Variants in NTRK2 observed in about 807,000 individuals in gnomAD.
The protein encoded by NTRK2 is BDNF/NT-3 growth factors receptor.
NTRK2 carries 13 observed loss-of-function variants against 94.5 expected under a neutral mutation model. The observed-to-expected ratio is 0.14, with a 90% CI of 0.09 to 0.22. NTRK2 has a LOEUF of 0.22. NTRK2 is among the 10% of genes least tolerant of loss of function. NTRK2 has a pLI of 1.00. For missense variants in NTRK2, 639 were observed against 1,071.2 expected (o/e 0.60, Z 5.63); for synonymous variants, 372 against 407.4 (o/e 0.91, Z 1.05).
intron 17 of NTRK2, among the ~76,000 whole-genome samples, chr9:85,009,194 C>T (rs10122870): frequency 1.3e-5 from 2 of 152,208 alleles, no homozygotes; most frequent in East Asian, 3.8e-4. Context: ...ACAAAATAAA[C>T]TTACTTTTCA....
At chr9:84,949,616 T>C (rs1164046248) in intron 16 of NTRK2, among the ~76,000 whole-genome samples, 2 of 152,154 alleles carry the variant, frequency 1.3e-5, no homozygotes, top group Admixed American at 1.3e-4. Context: ...AACAGGCATG[T>C]GCCACCATGT....
chr9:84,779,951 C>T (rs1259332264), intron 12 of NTRK2, among the ~76,000 whole-genome samples: 3 of 152,154 alleles, frequency 2.0e-5, no homozygotes, highest in Non-Finnish European at 1.5e-5. Context: ...ACACGTCCAG[C>T]ATTAACAACC....
At chr9:84,731,679 C>G (rs1011371754) in intron 9 of NTRK2, among the ~76,000 whole-genome samples, 4 of 152,060 alleles carry the variant, frequency 2.6e-5, no homozygotes, top group African/African-American at 9.7e-5. Context: ...GTGGCAGACA[C>G]TCTGTTCTCT....
At chr9:84,855,426 T>G (rs1403128537) in intron 12 of NTRK2, among the ~76,000 whole-genome samples, 1 of 152,184 alleles carries the variant, frequency 6.6e-6, no homozygotes, top group Non-Finnish European at 1.5e-5. Context: ...TGTATTGAAG[T>G]GGTTCTTAGC....
intron 2 of NTRK2, among the ~76,000 whole-genome samples, chr9:84,672,881 A>T (rs2058787168): frequency 6.6e-6 from 1 of 152,042 alleles, no homozygotes; most frequent in Non-Finnish European, 1.5e-5. Flanking sequence ...GCAGGTTCCT[A>T]TTTTCAGCTT....
chr9:84,882,754 A>G (rs2076299834), intron 14 of NTRK2, among the ~76,000 whole-genome samples: 1 of 150,970 alleles, frequency 6.6e-6, no homozygotes, highest in South Asian at 2.1e-4. Context: ...TATAATAACT[A>G]GAAATACTTT....
intron 12 of NTRK2, among the ~76,000 whole-genome samples, chr9:84,823,102 T>A (rs1300759684): frequency 2.6e-5 from 4 of 151,878 alleles, no homozygotes; most frequent in East Asian, 1.9e-4. Context: ...TTTTTTTTTT[T>A]AAAAGTACCC....
chr9:84,959,841 C>A (rs181485356), intron 17 of NTRK2, among the ~76,000 whole-genome samples: 25 of 152,324 alleles, frequency 1.6e-4, no homozygotes, highest in African/African-American at 4.6e-4. Context: ...TTGGTCATGC[C>A]TGTGCCGCAT....
chr9:84,699,799 A>G (rs1195360269), intron 2 of NTRK2, among the ~76,000 whole-genome samples: 1 of 150,730 alleles, frequency 6.6e-6, no homozygotes, highest in Non-Finnish European at 1.5e-5. Flanking sequence ...TGTGCAATCC[A>G]TTGACATCTC....
chr9:84,908,101 A>G (rs1403960597), intron 14 of NTRK2, among the ~76,000 whole-genome samples: 1 of 152,264 alleles, frequency 6.6e-6, no homozygotes, highest in Non-Finnish European at 1.5e-5. Context: ...ACAAACAAAC[A>G]AACAAACAAA....
intron 17 of NTRK2, among the ~76,000 whole-genome samples, chr9:85,010,851 C>G (rs968785137): frequency 3.3e-5 from 5 of 152,178 alleles, no homozygotes; most frequent in African/African-American, 1.2e-4. Flanking sequence ...ATAATCGCTT[C>G]TAAAACTAGG....
intron 17 of NTRK2, among the ~76,000 whole-genome samples, chr9:84,970,039 T>A (rs943613209): frequency 1.3e-5 from 2 of 152,226 alleles, no homozygotes; most frequent in East Asian, 1.9e-4. Context: ...CCTCTTACTA[T>A]TTTTGTGATC....
At chr9:84,977,674 A>T (rs1288882575) in intron 17 of NTRK2, among the ~76,000 whole-genome samples, 3 of 152,218 alleles carry the variant, frequency 2.0e-5, no homozygotes, top group Non-Finnish European at 2.9e-5. Context: ...ACACCCATGC[A>T]CACACACATT....
At chr9:84,670,999 C>G in intron 2 of NTRK2, 39 bp downstream of exon 2, 1 of 1,589,922 alleles carries the variant, frequency 6.3e-7, no homozygotes, top group Non-Finnish European at 8.5e-7. Context: ...TCTCCTTGCC[C>G]CTAGGGCCCG....
intron 12 of NTRK2, among the ~76,000 whole-genome samples, chr9:84,846,818 C>T (rs977628039): frequency 1.3e-5 from 2 of 152,208 alleles, no homozygotes; most frequent in Non-Finnish European, 2.9e-5. Flanking sequence ...GCCTGCAACT[C>T]TGAATCTCCA....
At chr9:84,847,247 T>C (rs1381935864) in intron 12 of NTRK2, among the ~76,000 whole-genome samples, 2 of 152,172 alleles carry the variant, frequency 1.3e-5, no homozygotes, top group Non-Finnish European at 2.9e-5. Flanking sequence ...ATGAAAGGAC[T>C]CCAGAATGTG....
chr9:84,965,511 G>C (rs1825450766), intron 17 of NTRK2, among the ~76,000 whole-genome samples: 1 of 152,174 alleles, frequency 6.6e-6, no homozygotes, highest in South Asian at 2.1e-4. Flanking sequence ...TTTGAGGTGG[G>C]CCTTAAAGGA....
At chr9:85,006,206 T>C (rs906088345) in intron 17 of NTRK2, among the ~76,000 whole-genome samples, 1 of 152,206 alleles carries the variant, frequency 6.6e-6, no homozygotes, top group Non-Finnish European at 1.5e-5. Context: ...ATGCAAATAG[T>C]CCATTGAGAG....
chr9:84,729,745 CA>C (rs1485828580), intron 9 of NTRK2, among the ~76,000 whole-genome samples: 1 of 152,158 alleles, frequency 6.6e-6, no homozygotes, highest in Non-Finnish European at 1.5e-5. Flanking sequence ...CTCTTGGGGG[CA>C]AAACTTGATT....
Sources: allele counts gnomAD v4.1 joint callset (sites outside exome capture counted in the v4.1 genomes callset), GRCh38; gene constraint gnomAD v4.1.1; transcripts MANE v1.5; gene names NCBI Gene and HGNC (gene_info 2026-07-23, HGNC 2026-07-21).